Variants in DLGAP1 observed in about 807,000 individuals in gnomAD.
The protein encoded by DLGAP1 is DLG associated protein 1.
Under a neutral mutation model 90.8 loss-of-function variants are expected in DLGAP1, and 11 were observed. The ratio of observed to expected loss-of-function variants is 0.12; its 90% CI spans 0.08 to 0.20. The LOEUF (loss-of-function observed/expected upper bound fraction) is 0.20. Ranked by LOEUF, DLGAP1 falls within the 10% of genes least tolerant of loss-of-function variation. DLGAP1 has a pLI of 1.00. For missense variants in DLGAP1, 1,050 were observed against 1,333.8 expected (o/e 0.79, Z 3.31); for synonymous variants, 558 against 540.7 (o/e 1.03, Z -0.44).
intron 1 of DLGAP1, among the ~76,000 whole-genome samples, chr18:4,329,951 A>AT (rs1211815360): frequency 1.3e-5 from 2 of 151,902 alleles, no homozygotes; most frequent in South Asian, 2.1e-4. Flanking sequence ...AATTGGAAAT[A>AT]TTTTTTGCCT....
At chr18:4,018,918 G>A (rs779816223) in intron 2 of DLGAP1, among the ~76,000 whole-genome samples, 3 of 152,186 alleles carry the variant, frequency 2.0e-5, no homozygotes, top group Non-Finnish European at 4.4e-5. Context: ...CTTGGAAAGG[G>A]CTATCATTCT....
rs992510806 is a variant in DLGAP1 at position 3,565,243 on chromosome 18, G to A, written c.2057+2247C>T. On this transcript the variant is annotated intron_variant, in intron 9 of 12. Coordinates refer to ENST00000315677, the MANE Select transcript of DLGAP1 (RefSeq NM_004746.4). The surrounding 1 kb of genome is among the most constrained non-coding windows in gnomAD (Gnocchi z 4.0). ...GGCTCACTGCAATCTCTGCCTCCTG[G>A]GTTAAAGGGATTGTCCTGCCTCAGC... Among the ~76,000 whole-genome samples, 1 of 152,160 alleles carries A rather than the reference G, an allele frequency of 6.6e-6. No homozygotes were observed. Among genetic ancestry groups the A allele is most frequent in the Non-Finnish European group, 1.5e-5 (1 of 68,012 alleles).
Position 3,821,292 on chromosome 18 carries a change from A to AG in DLGAP1, c.958-7020_958-7019insC, listed in dbSNP as rs1225584721. Among the ~76,000 whole-genome samples, 141 of 135,228 alleles carry AG rather than the reference A, an allele frequency of 1.0e-3. 2 individuals carry two copies. The East Asian group carries it at 0.017, about 16-fold the overall frequency. 88.7% of individuals were successfully genotyped at this position (135,228 alleles called of 152,430 possible). On this transcript the variant is annotated intron_variant, in intron 4 of 12. Transcript: ENST00000315677. ...CGACAGAGTGAGACTCTGTGTCAAAAAAAAAAAAAAAAAAAAAAAAAGATG... is the reference window on the plus strand; with the variant it reads ...CGACAGAGTGAGACTCTGTGTCAAAAGAAAAAAAAAAAAAAAAAAAAAGATG...
rs1363676668 is a variant in DLGAP1, at chr18:3,741,014, CCAT to C, written c.1350+1318_1350+1320del. Among the ~76,000 whole-genome samples the C allele has an allele frequency of 1.1e-3, 130 of 122,344 alleles. 1 individual carries two copies. Among genetic ancestry groups the C allele is most frequent in the African/African-American group, 4.0e-3 (121 of 30,458 alleles). 80.3% of individuals were successfully genotyped at this position (122,344 alleles called of 152,430 possible). A position where few individuals can be genotyped will look rare whatever the true frequency, so the allele number is the denominator to read the frequency against. On this transcript the variant is annotated intron_variant, in intron 6 of 12. Transcript: ENST00000315677. Reference sequence around the variant, plus strand: ...CACCATCACCTCACCACCACCACCACCATCACCACCACCACCACCACCATCACC... The same window carrying C: ...CACCATCACCTCACCACCACCACCACCACCACCACCACCACCACCATCACC...
At chr18:3,872,529 A>G (rs2070817451) in intron 4 of DLGAP1, among the ~76,000 whole-genome samples, 1 of 152,188 alleles carries the variant, frequency 6.6e-6, no homozygotes, top group African/African-American at 2.4e-5. Flanking sequence ...CTGTGTGATA[A>G]CCCACTAAGA....
chr18:4,109,031 G>C (rs2075922069), intron 2 of DLGAP1, among the ~76,000 whole-genome samples: 1 of 152,018 alleles, frequency 6.6e-6, no homozygotes, highest in South Asian at 2.1e-4. Flanking sequence ...GTCTAAATGG[G>C]AGTGAGTTAC....
chr18:4,300,751 AT>A (rs2143254412), intron 1 of DLGAP1, among the ~76,000 whole-genome samples: 2 of 152,196 alleles, frequency 1.3e-5, no homozygotes, highest in Admixed American at 6.5e-5. Context: ...TTTTTCTGTC[AT>A]TGCCTCCGGA....
intron 2 of DLGAP1, among the ~76,000 whole-genome samples, chr18:4,122,637 G>C (rs2076170933): frequency 1.3e-5 from 2 of 152,200 alleles, no homozygotes. Flanking sequence ...CCAGTTAAAT[G>C]ATGATTGATT....
chr18:3,980,924 A>G (rs1325152548), intron 3 of DLGAP1, among the ~76,000 whole-genome samples: 3 of 152,228 alleles, frequency 2.0e-5, no homozygotes, highest in African/African-American at 4.8e-5. Flanking sequence ...GCAATTTTCA[A>G]GTATACAATG....
intron 1 of DLGAP1, among the ~76,000 whole-genome samples, chr18:4,380,846 A>G (rs773798033): frequency 6.6e-6 from 1 of 152,126 alleles, no homozygotes; most frequent in African/African-American, 2.4e-5. Context: ...CTCTCTTGAG[A>G]TATGTTCCAG....
At chr18:4,291,367 G>C (rs1351157837) in intron 1 of DLGAP1, among the ~76,000 whole-genome samples, 3 of 152,136 alleles carry the variant, frequency 2.0e-5, no homozygotes, top group Non-Finnish European at 4.4e-5. Flanking sequence ...ATGGTGTTAT[G>C]TATATAGGTG....
At chr18:3,875,433 C>T (rs901635425) in intron 4 of DLGAP1, among the ~76,000 whole-genome samples, 1 of 152,146 alleles carries the variant, frequency 6.6e-6, no homozygotes, top group East Asian at 1.9e-4. Context: ...ATGAGACATA[C>T]ACAGTTTCTG....
intron 2 of DLGAP1, among the ~76,000 whole-genome samples, chr18:4,125,288 G>A (rs1568410109): frequency 6.6e-6 from 1 of 152,326 alleles, no homozygotes; most frequent in South Asian, 2.1e-4. Context: ...CACAGTGAAA[G>A]GGCCTCCAGC....
chr18:3,654,557 A>G (rs185646938), intron 7 of DLGAP1: 8 of 152,336 alleles, frequency 5.3e-5, no homozygotes, highest in African/African-American at 1.9e-4. Context: ...AAACATCAAA[A>G]CGGCCCAGAG....
intron 3 of DLGAP1, among the ~76,000 whole-genome samples, chr18:3,977,434 G>GTTTTTTTTTTTTTTTT (rs58599574): frequency 2.6e-4 from 25 of 95,340 alleles, no homozygotes; most frequent in African/African-American, 8.8e-4. Flanking sequence ...TTTATTCTGT[G>GTTTTTTTTTTTTTTTT]TTTTTTTTTT....
intron 3 of DLGAP1, among the ~76,000 whole-genome samples, chr18:3,933,942 A>T (rs1028018290): frequency 6.6e-6 from 1 of 152,122 alleles, no homozygotes; most frequent in Non-Finnish European, 1.5e-5. Context: ...AAGGGCATCA[A>T]TGAGGTGCCG....
chr18:3,644,330 C>A (rs1489276900), intron 7 of DLGAP1, among the ~76,000 whole-genome samples: 1 of 152,240 alleles, frequency 6.6e-6, no homozygotes, highest in South Asian at 2.1e-4. Context: ...TCTTTGACCT[C>A]GTAACTCCAC....
chr18:3,966,903 AGAG>A (rs1255824299), intron 3 of DLGAP1, among the ~76,000 whole-genome samples: 2 of 152,140 alleles, frequency 1.3e-5, no homozygotes, highest in Non-Finnish European at 2.9e-5. Context: ...ATCTAGGAAT[AGAG>A]GAGAAGGTCA....
chr18:3,920,865 T>G (rs937558252), intron 3 of DLGAP1, among the ~76,000 whole-genome samples: 1 of 152,270 alleles, frequency 6.6e-6, no homozygotes, highest in African/African-American at 2.4e-5. Flanking sequence ...AGGAATTTTA[T>G]GAGTTTTTAT....
Sources: allele counts gnomAD v4.1 joint callset (sites outside exome capture counted in the v4.1 genomes callset), GRCh38; gene constraint gnomAD v4.1.1; non-coding constraint Gnocchi (gnomAD v3.1); transcripts MANE v1.5; gene names NCBI Gene and HGNC (gene_info 2026-07-23, HGNC 2026-07-21).